Variants in SIM1 observed in about 807,000 individuals in gnomAD.
SIM1 encodes the protein single-minded homolog 1.
SIM1 carries 18 observed loss-of-function variants against 78.2 expected under a neutral mutation model. That is an observed-to-expected ratio of 0.23 (90% CI 0.16 to 0.34). The LOEUF (loss-of-function observed/expected upper bound fraction) is 0.34, where lower values mean the gene tolerates loss of function less well. Ranked by LOEUF, SIM1 falls within the 10% of genes least tolerant of loss-of-function variation. SIM1 has a pLI of 1.00. For missense variants in SIM1, 939 were observed against 975.1 expected, an observed-to-expected ratio of 0.96 and a Z score of 0.49; for synonymous variants, 417 against 385.2, an observed-to-expected ratio of 1.08 and a Z score of -0.97.
In SIM1 at chr6:100,390,656, G is replaced by C; in HGVS notation, c.2006C>G (p.Ser669Cys). Residue 669 changes from serine (S) to cysteine (C), a missense_variant, in exon 12 of 12, where the codon TCC becomes TGC. This residue lies in a region of SIM1 where 556 missense variants were observed against 521.9 expected (regional missense o/e 1.07). Transcript: ENST00000369208. ...ATAGTCTTTAGCTAGGATCAAACTG[G>C]ATTTTGAAATGCGATCCGAATTGGG... ...SSPNSDRISKSSLILAKDYLH... is the reference protein window; with the variant it reads ...SSPNSDRISKCSLILAKDYLH... 6.2e-7 allele frequency: 1 copy of C among 1,614,150 alleles called. No homozygotes were observed. The highest frequency in any genetic ancestry group is 8.5e-7 in the Non-Finnish European group (1 of 1,180,024).
chr6:100,400,025 T>C (rs1050373584), intron 10 of SIM1, among the ~76,000 whole-genome samples: 1 of 151,846 alleles, frequency 6.6e-6, no homozygotes, highest in African/African-American at 2.4e-5. Context: ...CAAAAGACAT[T>C]TTATGTTGCT....
rs926199634 is a variant in SIM1, at chr6:100,463,605, C to G, written c.-137G>C. 1.3e-6 allele frequency: 1 copy of G among 798,242 alleles called. No homozygotes were observed. Among genetic ancestry groups the G allele is most frequent in the Non-Finnish European group, 2.0e-6 (1 of 495,218 alleles). The allele number at this position is 798,242 out of a possible 1,614,324, so 49.4% of individuals were successfully genotyped here. ...GAATAAAGAGGCTGAAGTATTTGCA[C>G]CAAGAACAGTGTATTGATGGCAGTA... is the stretch of plus-strand genomic sequence containing the variant. On this transcript the variant is annotated 5_prime_UTR_variant, in exon 2 of 12. Transcript: ENST00000369208.
At chr6:100,452,023 A>G (rs1296373433) in intron 3 of SIM1, among the ~76,000 whole-genome samples, 1 of 152,224 alleles carries the variant, frequency 6.6e-6, no homozygotes, top group East Asian at 1.9e-4. Context: ...AAGCTGTAAC[A>G]GGAGAAACAG....
chr6:100,448,235 C>G lies in SIM1; in HGVS notation c.761G>C (p.Gly254Ala). 6.2e-7 allele frequency: 1 copy of G among 1,613,078 alleles called. No individual in the cohort carries two copies. The highest frequency in any genetic ancestry group is 1.3e-5 in the African/African-American group (1 of 75,050). Residue 254 changes from glycine (G) to alanine (A), a missense_variant, in exon 8 of 12, where the codon GGG becomes GCG. Around this residue, in one of 5 missense-constraint regions of SIM1, gnomAD observed 187 missense variants for 191.6 expected, o/e 0.98. Coordinates refer to ENST00000369208, the MANE Select transcript of SIM1 (RefSeq NM_005068.3). ...FLDSRVAELT[G>A]YEPQDLIEKT... The stretch of plus-strand genomic sequence containing the variant: ...CTCAATCAGGTCCTGAGGTTCGTAC[C>G]CCGTCAGCTCCGCCACCCTGAGGAG...
intron 9 of SIM1, among the ~76,000 whole-genome samples, chr6:100,425,871 A>G (rs952195441): frequency 3.9e-5 from 6 of 152,224 alleles, no homozygotes; most frequent in African/African-American, 1.4e-4. Flanking sequence ...ACTCAGCTGC[A>G]CAGAACTTAG....
chr6:100,427,189 A>G (rs963547269), intron 9 of SIM1: 3 of 152,198 alleles, frequency 2.0e-5, no homozygotes, highest in African/African-American at 4.8e-5. Flanking sequence ...TCAAGCTCCT[A>G]TGGAGCCCAG....
At chr6:100,450,696 TCACACA>T (rs112151329) in intron 3 of SIM1, among the ~76,000 whole-genome samples, 933 of 91,900 alleles carry the variant, frequency 0.01, 14 homozygotes, top group African/African-American at 0.032. Context: ...TCTCTCTCTC[TCACACA>T]CACACACACA....
chr6:100,455,206 G>A (rs1257308214), intron 2 of SIM1, among the ~76,000 whole-genome samples: 2 of 152,142 alleles, frequency 1.3e-5, no homozygotes, highest in African/African-American at 2.4e-5. Flanking sequence ...CGGTCTTTCT[G>A]GTTGTTTGCA....
chr6:100,447,382 T>C lies in SIM1; in HGVS notation c.884A>G (p.Tyr295Cys). ...GCCGCCGTGTTTCGCCAGGAACCTG[T>C]AGTACTTGGTGGTCACCTGTCCCTT... ...LVKGQVTTKY[Y>C]RFLAKHGGWV... The change falls in exon 9 of 12, where the codon TAC (tyrosine) becomes TGC (cysteine). Residue 295 changes from tyrosine to cysteine, a missense_variant. Physicochemically the swap from Tyr to Cys is radical, Grantham distance 194. Around this residue, in one of 5 missense-constraint regions of SIM1, gnomAD observed 66 missense variants for 108.4 expected, o/e 0.61. Transcript: ENST00000369208. 1 of 1,614,242 alleles carries C rather than the reference T, an allele frequency of 6.2e-7. No individual in the cohort carries two copies. Among genetic ancestry groups the C allele is most frequent in the Non-Finnish European group, 8.5e-7 (1 of 1,180,050 alleles).
chr6:100,450,658 A>T (rs1772484143), intron 3 of SIM1, among the ~76,000 whole-genome samples: 1 of 125,524 alleles, frequency 8.0e-6, no homozygotes, highest in Non-Finnish European at 1.7e-5. Context: ...TAAAACACAC[A>T]CACACTGTCT....
intron 10 of SIM1, among the ~76,000 whole-genome samples, chr6:100,397,113 T>C (rs912723751): frequency 2.0e-5 from 3 of 152,232 alleles, no homozygotes; most frequent in African/African-American, 7.2e-5. Flanking sequence ...AAGAAAGTTA[T>C]TGTGTAAATT....
rs1367787764 is a variant in SIM1, at chr6:100,388,846, A to G, written c.*1515T>C. 6.6e-6 allele frequency: 1 copy of G among 152,148 alleles called. No individual in the cohort carries two copies. Among genetic ancestry groups the G allele is most frequent in the Non-Finnish European group, 1.5e-5 (1 of 68,026 alleles). 9.4% of individuals were successfully genotyped at this position (152,148 alleles called of 1,614,324 possible). A position where few individuals can be genotyped will look rare whatever the true frequency, so the allele number is the denominator to read the frequency against. On this transcript the variant is annotated 3_prime_UTR_variant, in exon 12 of 12. Transcript: ENST00000369208. ...CTTGCTATTTTTCTTCTCTGTCATA[A>G]ATTTCTACCAACTACATTTTGGCTA...
At chr6:100,406,732 T>C (rs932966124) in intron 10 of SIM1, among the ~76,000 whole-genome samples, 1 of 152,194 alleles carries the variant, frequency 6.6e-6, no homozygotes, top group African/African-American at 2.4e-5. Context: ...ATTTATGGTA[T>C]ACAGCACCAT....
intron 10 of SIM1, among the ~76,000 whole-genome samples, chr6:100,398,842 G>A (rs77456570): frequency 0.013 from 2,049 of 152,092 alleles, 49 homozygotes; most frequent in African/African-American, 0.045. Flanking sequence ...AGGACCTGCC[G>A]TGCTGTTTTT....
intron 9 of SIM1, among the ~76,000 whole-genome samples, chr6:100,445,585 T>G (rs1358230804): frequency 6.6e-6 from 1 of 152,162 alleles, no homozygotes; most frequent in Non-Finnish European, 1.5e-5. Flanking sequence ...AAACAGAATA[T>G]TTCAAAATGA....
chr6:100,389,961 T>C lies in SIM1; in HGVS notation c.*400A>G, dbSNP rs1770595692. 1 of 391,468 alleles carries C rather than the reference T, an allele frequency of 2.6e-6. No individual in the cohort carries two copies. The highest frequency in any genetic ancestry group is 4.5e-6 in the Non-Finnish European group (1 of 221,474). 24.2% of individuals were successfully genotyped at this position (391,468 alleles called of 1,614,324 possible). On this transcript the variant is annotated 3_prime_UTR_variant, in exon 12 of 12. Transcript: ENST00000369208. Reference sequence around the variant, plus strand: ...TGATGTATTTACATTACATAGCCTATATTTCCATATGTAAAATGTATACCG... The same window carrying C: ...TGATGTATTTACATTACATAGCCTACATTTCCATATGTAAAATGTATACCG...
chr6:100,437,226 T>C (rs1365363171), intron 9 of SIM1: 2 of 152,198 alleles, frequency 1.3e-5, no homozygotes, highest in African/African-American at 2.4e-5. Context: ...ATTTTTCAAA[T>C]ACCTTGTAAT....
At chr6:100,411,652 G>A (rs1764435065) in intron 10 of SIM1, among the ~76,000 whole-genome samples, 2 of 152,028 alleles carry the variant, frequency 1.3e-5, no homozygotes, top group African/African-American at 4.8e-5. Context: ...TAAATACATG[G>A]ATGCTGGGGA....
rs1430366589 is a variant in SIM1, at chr6:100,388,860, AC to A, written c.*1500del. On this transcript the variant is annotated 3_prime_UTR_variant, in exon 12 of 12. Transcript: ENST00000369208. Reference sequence around the variant, plus strand: ...TCTCTGTCATAAATTTCTACCAACTACATTTTGGCTAAATCTAGAAAGTTAA... The same window carrying A: ...TCTCTGTCATAAATTTCTACCAACTAATTTTGGCTAAATCTAGAAAGTTAA... 6.6e-6 allele frequency: 1 copy of A among 152,172 alleles called. No individual in the cohort carries two copies. Among genetic ancestry groups the A allele is most frequent in the African/African-American group, 2.4e-5 (1 of 41,438 alleles). The allele number at this position is 152,172 out of a possible 1,614,324, so 9.4% of individuals were successfully genotyped here. A position where few individuals can be genotyped will look rare whatever the true frequency, so the allele number is the denominator to read the frequency against.
Sources: gnomAD v4.1 joint callset for allele counts (sites outside exome capture counted in the v4.1 genomes callset) on GRCh38, gnomAD v4.1.1 for gene constraint, gnomAD v4.1.1 regional missense constraint, MANE v1.5 for transcripts, NCBI Gene and HGNC (gene_info 2026-07-23, HGNC 2026-07-21) for gene names.